Variants in CDH20 observed in about 807,000 individuals in gnomAD.
The protein encoded by CDH20 is cadherin-20.
CDH20 carries 29 observed loss-of-function variants against 74.2 expected under a neutral mutation model. The ratio of observed to expected loss-of-function variants is 0.39; its 90% CI spans 0.29 to 0.53. The LOEUF (loss-of-function observed/expected upper bound fraction) is 0.53. CDH20 is among the 20% of genes least tolerant of loss of function. The pLI, the probability that CDH20 is intolerant of heterozygous loss-of-function variation, is 0.69. For missense variants in CDH20, 988 were observed against 1,048.3 expected, an observed-to-expected ratio of 0.94 and a Z score of 0.79; for synonymous variants, 469 against 405.4, an observed-to-expected ratio of 1.16 and a Z score of -1.88.
chr18:61,458,990 A>C (rs1296278904), intron 1 of CDH20, among the ~76,000 whole-genome samples: 1 of 152,192 alleles, frequency 6.6e-6, no homozygotes, highest in Admixed American at 6.5e-5. Flanking sequence ...TTACAACTTT[A>C]AGTGTGTTAA....
chr18:61,437,046 C>G (rs1568138633), intron 1 of CDH20, among the ~76,000 whole-genome samples: 1 of 152,128 alleles, frequency 6.6e-6, no homozygotes, highest in Non-Finnish European at 1.5e-5. Context: ...AGTAGGCACT[C>G]AATGAATAAT....
intron 1 of CDH20, among the ~76,000 whole-genome samples, chr18:61,476,981 G>C (rs750352434): frequency 1.3e-5 from 2 of 152,158 alleles, no homozygotes; most frequent in Non-Finnish European, 2.9e-5. Flanking sequence ...TGTACTGAGA[G>C]TCCTCATTGA....
chr18:61,446,833 G>A (rs146233081), intron 1 of CDH20, among the ~76,000 whole-genome samples: 158 of 152,206 alleles, frequency 1.0e-3, no homozygotes, highest in African/African-American at 3.5e-3. Context: ...CCAAACTGTC[G>A]GGAAGGCTCA....
chr18:61,454,215 G>C (rs1568145702), intron 1 of CDH20, among the ~76,000 whole-genome samples: 2 of 152,154 alleles, frequency 1.3e-5, no homozygotes, highest in South Asian at 2.1e-4. Flanking sequence ...TTTTTTGTTA[G>C]ATATGTGGTT....
rs756847511 is a variant in CDH20, at chr18:61,486,179, G to A, written c.-152-4223G>A. 4.0e-4 allele frequency among the ~76,000 whole-genome samples: 61 copies of A among 152,136 alleles called. 1 individual carries two copies. Among genetic ancestry groups the A allele is most frequent in the Non-Finnish European group, 6.9e-4 (47 of 68,030 alleles). On this transcript the variant is annotated intron_variant, in intron 1 of 11. Transcript: ENST00000262717. ...ACTTAGTAAATGAAAACAACTTCTG[G>A]TCAGAGAACTGTGTCCCCTTTCAGC...
At chr18:61,459,518 G>A (rs1391294959) in intron 1 of CDH20, among the ~76,000 whole-genome samples, 1 of 152,096 alleles carries the variant, frequency 6.6e-6, no homozygotes, top group Non-Finnish European at 1.5e-5. Flanking sequence ...CCAGGTGTTG[G>A]GAGAAAGTCT....
rs1445503985 is a variant in CDH20 at position 61,538,592 on chromosome 18, GT to G, written c.1409-429del. Among the ~76,000 whole-genome samples the G allele has an allele frequency of 3.3e-3, 173 of 52,896 alleles. 30 individuals carry two copies. The highest frequency in any genetic ancestry group is 0.011 in the South Asian group (17 of 1,590). The allele number at this position is 52,896 out of a possible 152,430, so 34.7% of individuals were successfully genotyped here. A position where few individuals can be genotyped will look rare whatever the true frequency, so the allele number is the denominator to read the frequency against. The stretch of plus-strand genomic sequence containing the variant: ...GTAAATAACTACTTTTTGTTTGTTT[GT>G]TTGTTTTTGTTTTTGTTTTTGTTTT... On this transcript the variant is annotated intron_variant, in intron 8 of 11. Coordinates refer to ENST00000262717, the MANE Select transcript of CDH20 (RefSeq NM_031891.4).
At chr18:61,499,131 G>A in intron 2 of CDH20, 55 bp from the exon 3 acceptor site, 1 of 1,377,838 alleles carries the variant, frequency 7.3e-7, no homozygotes, top group Non-Finnish European at 9.8e-7. Flanking sequence ...AAATCAATGT[G>A]TTTTCTGACA....
intron 1 of CDH20, among the ~76,000 whole-genome samples, chr18:61,483,614 C>A (rs1910663002): frequency 6.6e-6 from 1 of 152,116 alleles, no homozygotes; most frequent in Admixed American, 6.5e-5. Flanking sequence ...ATTATTATTT[C>A]TATCACTAGT....
intron 1 of CDH20, among the ~76,000 whole-genome samples, chr18:61,368,965 A>T (rs1341431306): frequency 6.6e-6 from 1 of 152,088 alleles, no homozygotes; most frequent in Non-Finnish European, 1.5e-5. Flanking sequence ...GTAGTAATTT[A>T]AAAACCTAGT....
intron 1 of CDH20, among the ~76,000 whole-genome samples, chr18:61,489,151 T>C (rs1041780534): frequency 7.2e-5 from 11 of 152,254 alleles, no homozygotes; most frequent in Admixed American, 2.0e-4. Context: ...TGATTTATTA[T>C]ACAGAAATGA....
chr18:61,435,539 G>T (rs1908802547), intron 1 of CDH20, among the ~76,000 whole-genome samples: 1 of 151,950 alleles, frequency 6.6e-6, no homozygotes, highest in Non-Finnish European at 1.5e-5. Flanking sequence ...ATGGAAATAA[G>T]AAGTTGACCT....
At chr18:61,397,182 C>G (rs1479184445) in intron 1 of CDH20, among the ~76,000 whole-genome samples, 1 of 152,206 alleles carries the variant, frequency 6.6e-6, no homozygotes, top group East Asian at 1.9e-4. Flanking sequence ...TGACTCCTTC[C>G]CTAAGACTTT....
chr18:61,439,731 G>C (rs1908964522), intron 1 of CDH20, among the ~76,000 whole-genome samples: 1 of 151,856 alleles, frequency 6.6e-6, no homozygotes, highest in Admixed American at 6.6e-5. Flanking sequence ...TTATTATACT[G>C]CAAACCCAAG....
intron 1 of CDH20, among the ~76,000 whole-genome samples, chr18:61,435,988 A>G (rs1189027321): frequency 6.6e-6 from 1 of 152,112 alleles, no homozygotes. Flanking sequence ...GCATCTGTCA[A>G]TTTGCCTATT....
rs532028969 is a variant in CDH20, at chr18:61,355,258, C to CT, written c.-153+21439dup. Among the ~76,000 whole-genome samples the CT allele has an allele frequency of 4.0e-3, 606 of 152,056 alleles. 4 individuals carry two copies. The highest frequency in any genetic ancestry group is 0.014 in the African/African-American group (572 of 41,488). On this transcript the variant is annotated intron_variant, in intron 1 of 11. Coordinates refer to ENST00000262717, the MANE Select transcript of CDH20 (RefSeq NM_031891.4). ...GCATTCAATAGAAGAACCAATGTAG[C>CT]TTTTTTTTCTTTTTTCAGAAGAAGA...
chr18:61,456,276 C>T (rs1042964512), intron 1 of CDH20, among the ~76,000 whole-genome samples: 1 of 152,302 alleles, frequency 6.6e-6, no homozygotes, highest in Non-Finnish European at 1.5e-5. Context: ...AAATGCAAAG[C>T]GTGACCTGGC....
At chr18:61,390,803 T>C (rs1312312833) in intron 1 of CDH20, among the ~76,000 whole-genome samples, 3 of 152,164 alleles carry the variant, frequency 2.0e-5, no homozygotes, top group Non-Finnish European at 4.4e-5. Context: ...GCCTAGGTGC[T>C]TGCTAAATAA....
intron 7 of CDH20, among the ~76,000 whole-genome samples, chr18:61,534,170 T>C (rs1167153880): frequency 6.6e-6 from 1 of 152,196 alleles, no homozygotes; most frequent in East Asian, 1.9e-4. Context: ...AAAATGCTAA[T>C]TAAAACCACA....
Sources: allele counts gnomAD v4.1 joint callset (sites outside exome capture counted in the v4.1 genomes callset), GRCh38; gene constraint gnomAD v4.1.1; transcripts MANE v1.5; gene names NCBI Gene and HGNC (gene_info 2026-07-23, HGNC 2026-07-21).